Variants in ABLIM1 observed in about 807,000 individuals in gnomAD.
ABLIM1 encodes the protein actin binding LIM protein 1.
In ABLIM1, 40 loss-of-function variants were observed where a neutral mutation model predicts 107.0. The observed-to-expected ratio is 0.37, with a 90% CI of 0.29 to 0.49. ABLIM1 has a LOEUF of 0.49. Among genes scored for constraint, ABLIM1 ranks in the 20% least tolerant of loss-of-function variants. The pLI is 0.97. For missense variants in ABLIM1, 857 were observed against 1,008.5 expected (o/e 0.85, Z 2.04); for synonymous variants, 357 against 357.3 (o/e 1.00, Z 0.01).
intron 1 of ABLIM1, among the ~76,000 whole-genome samples, chr10:114,764,631 C>T (rs761226334): frequency 7.2e-5 from 11 of 152,200 alleles, no homozygotes; most frequent in Non-Finnish European, 1.2e-4. Context: ...CGTGAGCCAC[C>T]GCACCCGGCC....
intron 8 of ABLIM1, among the ~76,000 whole-genome samples, chr10:114,475,646 T>C (rs1565475012): frequency 2.0e-5 from 3 of 152,156 alleles, no homozygotes; most frequent in African/African-American, 4.8e-5. Flanking sequence ...CCTAACTATA[T>C]AGAGAGTCAC....
the ABLIM1 span, among the ~76,000 whole-genome samples, chr10:114,799,609 C>G: frequency 6.6e-5 from 10 of 152,338 alleles, no homozygotes; most frequent in South Asian, 1.9e-3. Flanking sequence ...GCAACTCCCA[C>G]CTGTTCTACC....
chr10:114,530,722 C>T (rs10787534), intron 6 of ABLIM1, among the ~76,000 whole-genome samples: 62,547 of 151,834 alleles, frequency 0.41, 13,985 homozygotes, highest in Non-Finnish European at 0.51. Flanking sequence ...TTAGTAGAGA[C>T]GGGGTTTTGC....
At position 114,595,853 on chromosome 10, in the gene ABLIM1, T is replaced by C. The variant is rs149689246; in HGVS notation, c.379+5974A>G. The stretch of plus-strand genomic sequence containing the variant: ...CCCAGGGAAATTTCACACACAGTTA[T>C]ATAGCTTCAGCCATTATCCACATGC... On this transcript the variant is annotated intron_variant, in intron 2 of 22. Transcript: ENST00000533213. Among the ~76,000 whole-genome samples the C allele has an allele frequency of 3.9e-5, 6 of 152,336 alleles. No individual in the cohort carries two copies. The East Asian group carries it at 9.6e-4, about 24-fold the overall frequency.
intron 19 of ABLIM1, 39 bp from the exon 20 acceptor site, chr10:114,440,128 A>T (rs755045388): frequency 6.3e-7 from 1 of 1,582,842 alleles, no homozygotes; most frequent in South Asian, 1.1e-5. Flanking sequence ...TAAGGGAAAG[A>T]CCATGGAAAA....
At chr10:114,612,969 A>G (rs2076911558) in intron 1 of ABLIM1, among the ~76,000 whole-genome samples, 1 of 152,202 alleles carries the variant, frequency 6.6e-6, no homozygotes, top group South Asian at 2.1e-4. Flanking sequence ...ACCAAAAACC[A>G]AAGAACTAAG....
chr10:114,514,254 C>T (rs370198820), intron 6 of ABLIM1, among the ~76,000 whole-genome samples: 33 of 150,588 alleles, frequency 2.2e-4, no homozygotes, highest in African/African-American at 6.6e-4. Context: ...GAGCCAAGAT[C>T]GCACCACTGC....
At chr10:114,514,242 G>T (rs1198449182) in intron 6 of ABLIM1, among the ~76,000 whole-genome samples, 1 of 151,780 alleles carries the variant, frequency 6.6e-6, no homozygotes. Flanking sequence ...GGAGATTGCG[G>T]TGAGCCAAGA....
At chr10:114,637,905 T>C (rs1365441572) in intron 1 of ABLIM1, among the ~76,000 whole-genome samples, 2 of 152,236 alleles carry the variant, frequency 1.3e-5, no homozygotes, top group African/African-American at 2.4e-5. Flanking sequence ...TATTGTAATA[T>C]TTTCTAGATA....
chr10:114,786,622 C>T, the ABLIM1 span, among the ~76,000 whole-genome samples: 1 of 152,120 alleles, frequency 6.6e-6, no homozygotes, highest in Non-Finnish European at 1.5e-5. Context: ...CTACAGGTGG[C>T]AAGAAAAGCA....
intron 1 of ABLIM1, among the ~76,000 whole-genome samples, chr10:114,697,694 A>G (rs970996295): frequency 6.6e-6 from 1 of 152,280 alleles, no homozygotes; most frequent in Non-Finnish European, 1.5e-5. Flanking sequence ...ACCTATGCCC[A>G]TCAATAAATC....
intron 8 of ABLIM1, among the ~76,000 whole-genome samples, chr10:114,478,096 T>A: frequency 6.6e-6 from 1 of 152,198 alleles, no homozygotes; most frequent in East Asian, 1.9e-4. Context: ...TATCTTTTTT[T>A]ATTTACACTA....
the ABLIM1 span, among the ~76,000 whole-genome samples, chr10:114,801,165 G>T: frequency 6.6e-6 from 1 of 152,030 alleles, no homozygotes; most frequent in Admixed American, 6.6e-5. Context: ...TGTAATCCCA[G>T]CAGTTTGGGA....
chr10:114,713,497 G>A (rs2081596179), intron 1 of ABLIM1, among the ~76,000 whole-genome samples: 1 of 152,094 alleles, frequency 6.6e-6, no homozygotes, highest in Non-Finnish European at 1.5e-5. Context: ...TCAAAAACAG[G>A]GATAGTCCGG....
At chr10:114,475,511 C>T (rs1271691661) in intron 8 of ABLIM1, among the ~76,000 whole-genome samples, 1 of 152,126 alleles carries the variant, frequency 6.6e-6, no homozygotes, top group Non-Finnish European at 1.5e-5. Flanking sequence ...ACTGTCTATA[C>T]CCAATGCTTT....
chr10:114,605,649 T>G (rs912469166), intron 1 of ABLIM1, among the ~76,000 whole-genome samples: 3 of 152,136 alleles, frequency 2.0e-5, no homozygotes, highest in Non-Finnish European at 4.4e-5. Context: ...AAATAAGGAT[T>G]GTACAATGAA....
intron 1 of ABLIM1, among the ~76,000 whole-genome samples, chr10:114,608,734 G>T (rs2076600939): frequency 6.6e-6 from 1 of 152,026 alleles, no homozygotes; most frequent in African/African-American, 2.4e-5. Context: ...AAAAACAAAG[G>T]CTGGGCACGG....
At chr10:114,473,233 A>G (rs2066930953) in intron 9 of ABLIM1, 101 bp from the exon 10 acceptor site, 1 of 1,239,296 alleles carries the variant, frequency 8.1e-7, no homozygotes, top group African/African-American at 1.5e-5. Flanking sequence ...AAGGCCTTAA[A>G]ATAAACAAAA....
At chr10:114,704,294 CTCTCTCTCTATATATATATA>C (rs1566255999) in intron 1 of ABLIM1, among the ~76,000 whole-genome samples, 4 of 28,462 alleles carry the variant, frequency 1.4e-4, no homozygotes, top group African/African-American at 5.2e-4. Context: ...CTCTCTCTCT[CTCTCTCTCTATATATATATA>C]TATATATATA....
Sources: allele counts gnomAD v4.1 joint callset (sites outside exome capture counted in the v4.1 genomes callset), GRCh38; gene constraint gnomAD v4.1.1; transcripts MANE v1.5; gene names NCBI Gene and HGNC (gene_info 2026-07-23, HGNC 2026-07-21).